Variants in ZNF544 observed in about 807,000 individuals in gnomAD.
The protein encoded by ZNF544 is zinc finger protein AF020591.
ZNF544 carries 10 observed loss-of-function variants against 13.5 expected under a neutral mutation model. That is an observed-to-expected ratio of 0.74 (90% CI 0.46 to 1.25). The LOEUF is 1.25. Among genes scored for constraint, ZNF544 ranks in the 50% most tolerant of loss-of-function variants. The probability of loss-of-function intolerance (pLI) is 0.00; values close to 1 mark genes in which losing one functional copy is unlikely to be tolerated. For synonymous variants in ZNF544, 323 were observed against 300.5 expected, an observed-to-expected ratio of 1.07 and a Z score of -0.77; for missense variants, 896 against 845.6, an observed-to-expected ratio of 1.06 and a Z score of -0.74.
downstream of ZNF544, among the ~76,000 whole-genome samples, chr19:58,265,932 T>C (rs2049813896): frequency 6.6e-6 from 1 of 151,494 alleles, no homozygotes; most frequent in Admixed American, 6.6e-5. Context: ...AGGGTGAGCA[T>C]GGTGGCTTAT....
At chr19:58,264,385 AAAAAAAAAAAAAAAAAAGGACTCT>A (rs1456217760), downstream of ZNF544, among the ~76,000 whole-genome samples, 1 of 53,216 alleles carries the variant, frequency 1.9e-5, no homozygotes, top group African/African-American at 8.7e-5. Flanking sequence ...ACTTCATCTC[AAAAAAAAAAAAAAAAAAGGACTCT>A]GGTGAGGCTT....
At chr19:58,236,329 G>A (rs995744742) in intron 3 of ZNF544, among the ~76,000 whole-genome samples, 14 of 151,538 alleles carry the variant, frequency 9.2e-5, no homozygotes, top group African/African-American at 2.9e-4. Flanking sequence ...GAGAAACCCC[G>A]TCTCTGCTTA....
At chr19:58,268,990 A>G (rs2050273068), downstream of ZNF544, among the ~76,000 whole-genome samples, 1 of 152,250 alleles carries the variant, frequency 6.6e-6, no homozygotes, top group Non-Finnish European at 1.5e-5. Context: ...GGAAACTTTG[A>G]AGAGGAACTT....
Position 58,261,837 on chromosome 19 carries a change from G to C in ZNF544, c.1231G>C (p.Asp411His). The C allele has an allele frequency of 6.2e-7, 1 of 1,600,528 alleles. No homozygotes were observed. The highest frequency in any genetic ancestry group is 8.5e-7 in the Non-Finnish European group (1 of 1,175,612). ...THTGEKPYEC[D>H]LCGKSFTQRS... ...CACTGGAGAGAAGCCCTATGAGTGT[G>C]ACCTGTGTGGGAAATCCTTCACCCA... The change falls in exon 7 of 7, where the codon GAC becomes CAC. Residue 411 changes from aspartate (D) to histidine (H), a missense_variant. Physicochemically the swap from Asp to His is moderately conservative, Grantham distance 81. Coordinates refer to ENST00000687789, the MANE Select transcript of ZNF544 (RefSeq NM_014480.4).
chr19:58,246,483 A>C, intron 5 of ZNF544, 56 bp downstream of exon 5: 1 of 1,603,218 alleles, frequency 6.2e-7, no homozygotes, highest in Non-Finnish European at 8.5e-7. Context: ...AAGCTGTACC[A>C]AGTTCTGAAG....
In ZNF544 at chr19:58,261,701, T is replaced by C. The variant is rs764602184; in HGVS notation, c.1095T>C (p.Cys365=). 3 of 1,614,194 alleles carry C rather than the reference T, an allele frequency of 1.9e-6. No homozygotes were observed. The highest frequency in any genetic ancestry group is 2.5e-6 in the Non-Finnish European group (3 of 1,180,044). The change falls in exon 7 of 7, where the codon TGT becomes TGC. Residue 365 remains cysteine, a synonymous_variant. Transcript: ENST00000687789. ...VCNQCGKSFS[C]CKLIHQRTHT... ...ATCAGTGTGGAAAATCTTTCAGCTG[T>C]TGTAAGCTCATACACCAGAGAACAC...
intron 3 of ZNF544, among the ~76,000 whole-genome samples, chr19:58,235,203 A>G (rs749901081): frequency 1.3e-5 from 2 of 152,268 alleles, no homozygotes; most frequent in Non-Finnish European, 2.9e-5. Context: ...CTGCAAAGCT[A>G]CACAGCGTGT....
At position 58,246,348 on chromosome 19, in the gene ZNF544, G is replaced by A. The variant is rs1222092935; in HGVS notation, c.81G>A (p.Glu27=). Residue 27 remains glutamate (E), a synonymous_variant, in exon 5 of 7, where the codon GAG becomes GAA. Transcript: ENST00000687789. ...EDVAMAFTQE[E]WEQLDLAQRT... ...TGGCTATGGCATTCACACAGGAGGA[G>A]TGGGAACAGCTGGACCTGGCCCAGA... is the stretch of plus-strand genomic sequence containing the variant. The A allele has an allele frequency of 1.2e-6, 2 of 1,614,158 alleles. No homozygotes were observed. The highest frequency in any genetic ancestry group is 4.5e-5 in the East Asian group (2 of 44,874).
At chr19:58,276,449 A>G (rs1450665438) in intron 6 of ZNF544, 1 of 731,216 alleles carries the variant, frequency 1.4e-6, no homozygotes, top group Non-Finnish European at 1.6e-6. Flanking sequence ...GACATCTGTC[A>G]AAAGTCAGAA....
intron 6 of ZNF544, chr19:58,259,523 A>C (rs2071397089): frequency 6.6e-6 from 1 of 152,214 alleles, no homozygotes; most frequent in Non-Finnish European, 1.5e-5. Context: ...CACTGGATCA[A>C]AATCAAGGTG....
intron 3 of ZNF544, among the ~76,000 whole-genome samples, chr19:58,233,818 C>G (rs1476158744): frequency 6.6e-6 from 1 of 152,176 alleles, no homozygotes; most frequent in Non-Finnish European, 1.5e-5. Context: ...TTCAGGCTGG[C>G]AAACGTAACT....
In ZNF544 at chr19:58,261,344, C is replaced by G; in HGVS notation, c.738C>G (p.Val246=). ...AGAAAAACCCTTATGAATATATTGT[C>G]AGTGGTGACTCTCTCAACTATGGTT... is the stretch of plus-strand genomic sequence containing the variant. ...TGKKNPYEYI[V]SGDSLNYGSS... is the part of the protein sequence containing the mutation. The change falls in exon 7 of 7, where the codon GTC becomes GTG. Residue 246 remains valine, a synonymous_variant. Coordinates refer to ENST00000687789, the MANE Select transcript of ZNF544 (RefSeq NM_014480.4). 6.2e-7 allele frequency: 1 copy of G among 1,614,124 alleles called. No homozygotes were observed. Among genetic ancestry groups the G allele is most frequent in the Non-Finnish European group, 8.5e-7 (1 of 1,180,046 alleles).
chr19:58,232,611 G>A (rs917221955), intron 3 of ZNF544, among the ~76,000 whole-genome samples: 1 of 151,594 alleles, frequency 6.6e-6, no homozygotes, highest in African/African-American at 2.4e-5. Flanking sequence ...TTTGACCTCT[G>A]TATTAGTCTG....
chr19:58,241,687 CAG>C (rs1187981541), intron 3 of ZNF544, among the ~76,000 whole-genome samples: 4 of 151,856 alleles, frequency 2.6e-5, no homozygotes, highest in African/African-American at 9.7e-5. Context: ...TTAGTAGAGA[CAG>C]GGTTTCACCG....
intron 5 of ZNF544, among the ~76,000 whole-genome samples, chr19:58,273,989 TTTC>T (rs776663705): frequency 4.7e-4 from 72 of 151,608 alleles, no homozygotes; most frequent in Admixed American, 3.7e-3. Context: ...AGAGACGGGG[TTTC>T]CCCATGTTGG....
chr19:58,251,118 G>T (rs1024730414), intron 6 of ZNF544, among the ~76,000 whole-genome samples: 14 of 152,168 alleles, frequency 9.2e-5, no homozygotes, highest in African/African-American at 3.4e-4. Flanking sequence ...AGGAATGCTT[G>T]TTATAAGAAT....
At position 58,246,799 on chromosome 19, in the gene ZNF544, G is replaced by C. The variant is rs1457207000; in HGVS notation, c.244+5G>C. ...CAGAGCAGGAGGCCCCCCGAGGTAA[G>C]AGCAGACCTTGTGGTGAGCAGCTCA... On this transcript the variant is annotated splice_donor_5th_base_variant and intron_variant, in intron 6 of 6. Transcript: ENST00000687789. The C allele has an allele frequency of 1.2e-6, 2 of 1,613,752 alleles. No individual in the cohort carries two copies. The highest frequency in any genetic ancestry group is 3.3e-5 in the Admixed American group (2 of 59,968).
intron 3 of ZNF544, among the ~76,000 whole-genome samples, chr19:58,241,168 T>TATATATTTAAATATATATATATTTAA (rs2043622664): frequency 1.1e-5 from 1 of 88,682 alleles, no homozygotes; most frequent in African/African-American, 5.0e-5. Flanking sequence ...TTTAAATATA[T>TATATATTTAAATATATATATATTTAA]ATATATATAT....
chr19:58,246,269 G>T (rs1306270940), intron 4 of ZNF544, 32 bp from the exon 5 acceptor site: 3 of 1,613,422 alleles, frequency 1.9e-6, no homozygotes, highest in East Asian at 2.2e-5. Flanking sequence ...AGGACCTGGG[G>T]TCTCTGAGCA....
Sources: allele counts gnomAD v4.1 joint callset (sites outside exome capture counted in the v4.1 genomes callset), GRCh38; gene constraint gnomAD v4.1.1; transcripts MANE v1.5; gene names NCBI Gene and HGNC (gene_info 2026-07-23, HGNC 2026-07-21).